RBFOX1: variants seen among roughly 807,000 people sequenced by gnomAD.
RBFOX1 encodes the protein RNA binding protein fox-1 homolog 1.
In RBFOX1, 8 loss-of-function variants were observed where a neutral mutation model predicts 57.7. The ratio of observed to expected loss-of-function variants is 0.14; its 90% CI spans 0.08 to 0.25. The LOEUF (loss-of-function observed/expected upper bound fraction) is 0.25, where lower values mean the gene tolerates loss of function less well. RBFOX1 is among the 10% of genes least tolerant of loss of function. The pLI, the probability that RBFOX1 is intolerant of heterozygous loss-of-function variation, is 1.00. For synonymous variants in RBFOX1, 326 were observed against 222.4 expected, an observed-to-expected ratio of 1.47 and a Z score of -4.15; for missense variants, 611 against 548.5, an observed-to-expected ratio of 1.11 and a Z score of -1.14.
At chr16:6,795,456 A>T (rs1170330478) in intron 3 of RBFOX1, among the ~76,000 whole-genome samples, 1 of 152,126 alleles carries the variant, frequency 6.6e-6, no homozygotes, top group Admixed American at 6.5e-5. Flanking sequence ...CGTCTTTATC[A>T]AATGTTGATG....
intron 14 of RBFOX1, among the ~76,000 whole-genome samples, chr16:7,702,074 C>T (rs1438182498): frequency 2.0e-5 from 3 of 152,154 alleles, no homozygotes; most frequent in African/African-American, 7.2e-5. Flanking sequence ...TCTTCTCCTG[C>T]AAGATTAAAA....
intron 3 of RBFOX1, among the ~76,000 whole-genome samples, chr16:6,898,141 C>G (rs2067426604): frequency 1.3e-5 from 2 of 152,260 alleles, no homozygotes; most frequent in African/African-American, 2.4e-5. Context: ...TCTATTTTGC[C>G]AAATCATGCA....
intron 3 of RBFOX1, among the ~76,000 whole-genome samples, chr16:5,847,912 C>G: frequency 6.6e-6 from 1 of 152,110 alleles, no homozygotes; most frequent in Non-Finnish European, 1.5e-5. Context: ...GTCCAGGACT[C>G]TAGGGATACA....
chr16:5,926,516 A>T (rs1200282710), intron 4 of RBFOX1, among the ~76,000 whole-genome samples: 1 of 152,168 alleles, frequency 6.6e-6, no homozygotes, highest in Non-Finnish European at 1.5e-5. Context: ...TCATTATCCC[A>T]TGCCAATGTG....
chr16:5,570,518 T>G (rs2046245590), intron 2 of RBFOX1, among the ~76,000 whole-genome samples: 1 of 152,150 alleles, frequency 6.6e-6, no homozygotes, highest in Non-Finnish European at 1.5e-5. Context: ...CAGGTCAGCC[T>G]CTGATGCACA....
chr16:5,457,883 A>T (rs758831029), intron 1 of RBFOX1, among the ~76,000 whole-genome samples: 1 of 152,172 alleles, frequency 6.6e-6, no homozygotes, highest in African/African-American at 2.4e-5. Flanking sequence ...TGCCCTACAC[A>T]TAACATGCCC....
intron 3 of RBFOX1, among the ~76,000 whole-genome samples, chr16:5,837,183 C>A (rs1218004455): frequency 6.6e-6 from 1 of 152,036 alleles, no homozygotes; most frequent in Admixed American, 6.5e-5. Flanking sequence ...TCCTTTCCCA[C>A]CTCCTCTCCT....
chr16:6,220,269 T>C (rs1378543415), intron 1 of RBFOX1, among the ~76,000 whole-genome samples: 1 of 152,124 alleles, frequency 6.6e-6, no homozygotes, highest in Non-Finnish European at 1.5e-5. Flanking sequence ...ACACATAACA[T>C]ACATTTACTT....
At position 6,919,227 on chromosome 16, in the gene RBFOX1, C is replaced by T. The variant is rs184398802; in HGVS notation, c.-15-132830C>T. ...TGAACTCCTGACCTCAGGTGATCCG[C>T]CCGCCTCAGCTTCCCAAAGTGCTGG... On this transcript the variant is annotated intron_variant, in intron 3 of 15. Coordinates refer to ENST00000550418, the MANE Select transcript of RBFOX1 (RefSeq NM_018723.4). 1.4e-4 allele frequency among the ~76,000 whole-genome samples: 21 copies of T among 152,158 alleles called. No individual in the cohort carries two copies. In the South Asian group the frequency reaches 4.2e-3, roughly 30 times the overall value.
upstream of RBFOX1, among the ~76,000 whole-genome samples, chr16:6,016,096 G>C (rs567683137): frequency 6.6e-6 from 1 of 152,212 alleles, no homozygotes; most frequent in Non-Finnish European, 1.5e-5. Flanking sequence ...CATTTATTGA[G>C]CTTATTATGT....
chr16:6,601,395 T>C (rs190397217), intron 2 of RBFOX1, among the ~76,000 whole-genome samples: 1 of 152,238 alleles, frequency 6.6e-6, no homozygotes, highest in African/African-American at 2.4e-5. Flanking sequence ...TACGGTGCTT[T>C]TGTTGGTATT....
intron 3 of RBFOX1, among the ~76,000 whole-genome samples, chr16:6,832,914 C>T (rs936246520): frequency 2.0e-5 from 3 of 152,204 alleles, no homozygotes; most frequent in Non-Finnish European, 4.4e-5. Flanking sequence ...ATCTGCATTT[C>T]TGCAGCTTTC....
chr16:5,998,312 A>C (rs2060525267), intron 4 of RBFOX1, among the ~76,000 whole-genome samples: 1 of 152,230 alleles, frequency 6.6e-6, no homozygotes, highest in Non-Finnish European at 1.5e-5. Context: ...GCAATTCATT[A>C]AATTTGAGGA....
intron 4 of RBFOX1, among the ~76,000 whole-genome samples, chr16:5,905,760 C>G (rs1231819736): frequency 2.0e-5 from 3 of 152,134 alleles, no homozygotes; most frequent in Non-Finnish European, 2.9e-5. Context: ...GTACCCAACC[C>G]TTCAGATTTC....
intron 4 of RBFOX1, among the ~76,000 whole-genome samples, chr16:7,443,317 A>C (rs562796961): frequency 4.6e-5 from 7 of 152,282 alleles, no homozygotes; most frequent in African/African-American, 1.7e-4. Flanking sequence ...CTTGATCAGC[A>C]GCCTTTACTG....
intron 3 of RBFOX1, among the ~76,000 whole-genome samples, chr16:5,794,896 C>G (rs1403087010): frequency 6.6e-6 from 1 of 152,142 alleles, no homozygotes. Context: ...GAAGCTACCC[C>G]ATCACATGGG....
intron 2 of RBFOX1, among the ~76,000 whole-genome samples, chr16:5,587,214 C>A (rs754396945): frequency 6.6e-6 from 1 of 152,142 alleles, no homozygotes; most frequent in Non-Finnish European, 1.5e-5. Context: ...AGACTTACAT[C>A]TAGAATACAT....
At chr16:7,674,002 G>A (rs1039980262) in intron 13 of RBFOX1, among the ~76,000 whole-genome samples, 6 of 152,164 alleles carry the variant, frequency 3.9e-5, no homozygotes, top group African/African-American at 1.4e-4. Context: ...TGCTCAGTGA[G>A]CTGCAAAATA....
intron 9 of RBFOX1, among the ~76,000 whole-genome samples, chr16:7,601,680 TC>T (rs552394364): frequency 7.9e-5 from 12 of 152,246 alleles, no homozygotes; most frequent in African/African-American, 2.6e-4. Flanking sequence ...ACATTTAATC[TC>T]CCTATCAGTC....
Sources: gnomAD v4.1 joint callset for allele counts (sites outside exome capture counted in the v4.1 genomes callset) on GRCh38, gnomAD v4.1.1 for gene constraint, MANE v1.5 for transcripts, NCBI Gene and HGNC (gene_info 2026-07-23, HGNC 2026-07-21) for gene names.